HS3ST4: variants seen among roughly 807,000 people sequenced by gnomAD.
HS3ST4 encodes heparan sulfate-glucosamine 3-sulfotransferase 4, also known as heparan sulfate glucosamine 3-O-sulfotransferase 4.
In HS3ST4, 17 loss-of-function variants were observed where a neutral mutation model predicts 29.2. The ratio of observed to expected loss-of-function variants is 0.58; its 90% CI spans 0.40 to 0.87. The LOEUF is 0.87. HS3ST4 is among the 40% of genes least tolerant of loss of function. The pLI, the probability that HS3ST4 is intolerant of heterozygous loss-of-function variation, is 0.00. For missense variants in HS3ST4, 627 were observed against 634.5 expected, an observed-to-expected ratio of 0.99 and a Z score of 0.13; for synonymous variants, 314 against 285.7, an observed-to-expected ratio of 1.10 and a Z score of -1.00.
chr16:26,079,783 C>T (rs1898704070), intron 1 of HS3ST4, among the ~76,000 whole-genome samples: 1 of 152,190 alleles, frequency 6.6e-6, no homozygotes, highest in Admixed American at 6.5e-5. Flanking sequence ...AGATCTGCCA[C>T]CTGTCTCTGT....
chr16:26,101,082 C>T (rs796717323), intron 1 of HS3ST4, among the ~76,000 whole-genome samples: 49 of 152,310 alleles, frequency 3.2e-4, no homozygotes, highest in African/African-American at 1.0e-3. Flanking sequence ...CCGTTTACTC[C>T]AGTTGGTGTC....
rs1018065893 is a variant in HS3ST4, at chr16:25,733,879, G to A, written c.734+40728G>A. On this transcript the variant is annotated intron_variant, in intron 1 of 1. Coordinates refer to ENST00000331351, the MANE Select transcript of HS3ST4 (RefSeq NM_006040.3). The stretch of plus-strand genomic sequence containing the variant: ...CACGCCTGTAATCTCAACACTTTGG[G>A]AGGCAGAAGCAGGCAGATCACGAGG... 2.0e-5 allele frequency among the ~76,000 whole-genome samples: 3 copies of A among 152,210 alleles called. No homozygotes were observed. The South Asian group carries it at 6.2e-4, about 32-fold the overall frequency.
At chr16:25,742,367 C>G (rs1966660389) in intron 1 of HS3ST4, among the ~76,000 whole-genome samples, 1 of 152,214 alleles carries the variant, frequency 6.6e-6, no homozygotes, top group Non-Finnish European at 1.5e-5. Context: ...AGTGTTGATT[C>G]TCACTGGACC....
At chr16:26,008,584 C>T (rs752335334) in intron 1 of HS3ST4, among the ~76,000 whole-genome samples, 2 of 152,052 alleles carry the variant, frequency 1.3e-5, no homozygotes, top group African/African-American at 2.4e-5. Flanking sequence ...TTTGGGAGGC[C>T]AAGGTAGGTG....
chr16:25,819,190 GTA>G (rs1424737263), intron 1 of HS3ST4, among the ~76,000 whole-genome samples: 1 of 152,160 alleles, frequency 6.6e-6, no homozygotes, highest in African/African-American at 2.4e-5. Context: ...CTGCGATCCT[GTA>G]AGTTTGTGAA....
At chr16:25,996,283 G>C (rs11648446) in intron 1 of HS3ST4, among the ~76,000 whole-genome samples, 17,802 of 152,164 alleles carry the variant, frequency 0.12, 1,247 homozygotes, top group Admixed American at 0.17. Flanking sequence ...CCACCAGAGG[G>C]CCAGGGTAAA....
chr16:25,882,552 GT>G (rs1177405437), intron 1 of HS3ST4, among the ~76,000 whole-genome samples: 2 of 152,080 alleles, frequency 1.3e-5, no homozygotes, highest in Non-Finnish European at 2.9e-5. Flanking sequence ...ATGAAGGCAT[GT>G]TTTAGTGTCC....
chr16:25,936,755 G>A (rs899003812), intron 1 of HS3ST4, among the ~76,000 whole-genome samples: 5 of 152,204 alleles, frequency 3.3e-5, no homozygotes, highest in African/African-American at 9.7e-5. Context: ...CAACAGATTA[G>A]GATGCATTGT....
At chr16:25,961,352 AG>A (rs1968791326) in intron 1 of HS3ST4, among the ~76,000 whole-genome samples, 1 of 152,214 alleles carries the variant, frequency 6.6e-6, no homozygotes. Flanking sequence ...GATGTCCATT[AG>A]TACCTTATTG....
At chr16:25,698,661 G>T (rs140633688) in intron 1 of HS3ST4, among the ~76,000 whole-genome samples, 1 of 152,162 alleles carries the variant, frequency 6.6e-6, no homozygotes, top group Non-Finnish European at 1.5e-5. Context: ...CTCAGCTACC[G>T]AGTCTGTCCA....
chr16:26,071,606 C>T (rs370133122), intron 1 of HS3ST4, among the ~76,000 whole-genome samples: 14 of 152,202 alleles, frequency 9.2e-5, no homozygotes, highest in Admixed American at 2.0e-4. Context: ...GCAATAGAGT[C>T]GCACTGTTTA....
intron 1 of HS3ST4, among the ~76,000 whole-genome samples, chr16:25,916,675 T>C (rs984315392): frequency 2.9e-5 from 4 of 136,812 alleles, no homozygotes; most frequent in African/African-American, 1.1e-4. Flanking sequence ...AATGCATTCT[T>C]TTTTTTTTTT....
At chr16:26,043,557 T>C (rs1309382110) in intron 1 of HS3ST4, among the ~76,000 whole-genome samples, 2 of 152,140 alleles carry the variant, frequency 1.3e-5, no homozygotes, top group Non-Finnish European at 2.9e-5. Context: ...GACGTTCTAG[T>C]GAGGATTAAG....
chr16:25,776,722 A>C lies in HS3ST4; in HGVS notation c.734+83571A>C, dbSNP rs1203142779. On this transcript the variant is annotated intron_variant, in intron 1 of 1. Transcript: ENST00000331351. ...ATTCTCAGATACACACACTCAACAC[A>C]TTCCCTTTTATCTGAAGCTCAAACC... is the stretch of plus-strand genomic sequence containing the variant. 3.9e-5 allele frequency among the ~76,000 whole-genome samples: 6 copies of C among 152,198 alleles called. No individual in the cohort carries two copies. In the East Asian group the frequency reaches 1.2e-3, roughly 29 times the overall value.
chr16:25,694,067 C>T (rs1160408225), intron 1 of HS3ST4, among the ~76,000 whole-genome samples: 1 of 152,220 alleles, frequency 6.6e-6, no homozygotes, highest in African/African-American at 2.4e-5. Context: ...GTTTCTCTTT[C>T]TCTCTTTCCT....
chr16:25,907,391 G>A (rs776067215), intron 1 of HS3ST4, among the ~76,000 whole-genome samples: 4 of 152,092 alleles, frequency 2.6e-5, no homozygotes, highest in Non-Finnish European at 5.9e-5. Context: ...GTATCTAGGT[G>A]TTGGACGTGT....
At chr16:25,854,256 C>G (rs760416728) in intron 1 of HS3ST4, among the ~76,000 whole-genome samples, 1 of 152,026 alleles carries the variant, frequency 6.6e-6, no homozygotes, top group Non-Finnish European at 1.5e-5. Context: ...TACCAACAAG[C>G]GTGGCTACTT....
chr16:25,873,569 C>T (rs1217094322), intron 1 of HS3ST4, among the ~76,000 whole-genome samples: 1 of 150,852 alleles, frequency 6.6e-6, no homozygotes, highest in Non-Finnish European at 1.5e-5. Context: ...TACATCCATC[C>T]ACCCATTTGT....
intron 1 of HS3ST4, among the ~76,000 whole-genome samples, chr16:25,838,211 G>A (rs1024364299): frequency 1.3e-5 from 2 of 152,192 alleles, no homozygotes; most frequent in African/African-American, 2.4e-5. Context: ...AACGACTACC[G>A]CTGCTATTTA....
Sources: gnomAD v4.1 joint callset for allele counts (sites outside exome capture counted in the v4.1 genomes callset) on GRCh38, gnomAD v4.1.1 for gene constraint, MANE v1.5 for transcripts, NCBI Gene and HGNC (gene_info 2026-07-23, HGNC 2026-07-21) for gene names.